FUBP3: variants seen among roughly 807,000 people sequenced by gnomAD.
The protein encoded by FUBP3 is far upstream element binding protein 3.
FUBP3 carries 28 observed loss-of-function variants against 85.6 expected under a neutral mutation model. The ratio of observed to expected loss-of-function variants is 0.33; its 90% confidence interval spans 0.24 to 0.45. FUBP3 has a LOEUF of 0.45. Among genes scored for constraint, FUBP3 ranks in the 20% least tolerant of loss-of-function variants. The pLI is 1.00. For missense variants in FUBP3, 583 were observed against 755.1 expected (o/e 0.77, Z 2.67); for synonymous variants, 271 against 271.4 (o/e 1.00, Z 0.01).
chr9:130,611,425 G>T (rs1831740362), intron 3 of FUBP3, among the ~76,000 whole-genome samples: 1 of 152,156 alleles, frequency 6.6e-6, no homozygotes, highest in African/African-American at 2.4e-5. Context: ...ATCGCAAGAG[G>T]TGGAGAGAAT....
chr9:130,630,705 G>C lies in FUBP3; in HGVS notation c.1195G>C (p.Asp399His). 1.3e-6 allele frequency: 2 copies of C among 1,593,042 alleles called. No homozygotes were observed. The highest frequency in any genetic ancestry group is 1.7e-6 in the Non-Finnish European group (2 of 1,170,916). ...ELQRNPPPNS[D>H]PNLRRFTIRG... is the part of the protein sequence containing the mutation. Reference sequence around the variant, plus strand: ...TCAGAGGAACCCCCCTCCCAACAGCGACCCCAACCTGCGGAGATTCACCAT... The same window carrying C: ...TCAGAGGAACCCCCCTCCCAACAGCCACCCCAACCTGCGGAGATTCACCAT... Residue 399 changes from aspartate to histidine, a missense_variant, in exon 13 of 19, where the codon GAC becomes CAC. Asp to His is a moderately conservative substitution (Grantham distance 81). Coordinates refer to ENST00000319725, the MANE Select transcript of FUBP3 (RefSeq NM_003934.2).
chr9:130,598,453 C>T (rs1030273357), intron 2 of FUBP3, among the ~76,000 whole-genome samples: 7 of 152,178 alleles, frequency 4.6e-5, no homozygotes, highest in African/African-American at 1.7e-4. Context: ...AGACACTGTC[C>T]GTTAGTGAGG....
chr9:130,624,651 G>T (rs924788488), intron 11 of FUBP3, among the ~76,000 whole-genome samples: 2 of 134,610 alleles, frequency 1.5e-5, no homozygotes, highest in Admixed American at 7.3e-5. Flanking sequence ...GTGTGTGTGT[G>T]TTTTTAAGCT....
At chr9:130,587,075 T>G (rs1349868378) in intron 1 of FUBP3, among the ~76,000 whole-genome samples, 6 of 145,102 alleles carry the variant, frequency 4.1e-5, no homozygotes, top group East Asian at 2.0e-4. Context: ...TTTGTTTGTT[T>G]GTTTTTTTGA....
At chr9:130,592,256 G>T (rs536749104) in intron 1 of FUBP3, among the ~76,000 whole-genome samples, 1 of 152,266 alleles carries the variant, frequency 6.6e-6, no homozygotes, top group East Asian at 1.9e-4. Context: ...GAAGGTAAAA[G>T]ATCTGGAAGC....
chr9:130,600,631 G>T (rs1256014384), intron 2 of FUBP3, among the ~76,000 whole-genome samples: 1 of 151,946 alleles, frequency 6.6e-6, no homozygotes, highest in Non-Finnish European at 1.5e-5. Context: ...GGGTAGCTGG[G>T]ACTGCACTGC....
At chr9:130,580,242 T>C (rs1443625495) in intron 1 of FUBP3, among the ~76,000 whole-genome samples, 2 of 152,160 alleles carry the variant, frequency 1.3e-5, no homozygotes, top group African/African-American at 4.8e-5. Flanking sequence ...GGGTGCTCTT[T>C]GGAGAGGTGA....
Position 130,622,819 on chromosome 9 carries a change from G to A in FUBP3, c.874+9G>A. On this transcript the variant is annotated intron_variant, in intron 10 of 18. Coordinates refer to ENST00000319725, the MANE Select transcript of FUBP3 (RefSeq NM_003934.2). ...GATTCAGTTTAAACCAGGTGGGTAT[G>A]ATGATTTAAAAATCCTTAGTGTTAA... 2 of 1,315,914 alleles carry A rather than the reference G, an allele frequency of 1.5e-6. No individual in the cohort carries two copies. Among genetic ancestry groups the A allele is most frequent in the Admixed American group, 2.1e-5 (1 of 47,566 alleles). 81.5% of individuals were successfully genotyped at this position (1,315,914 alleles called of 1,614,324 possible). A position where few individuals can be genotyped will look rare whatever the true frequency, so the allele number is the denominator to read the frequency against.
chr9:130,615,443 T>C (rs1212185074), intron 6 of FUBP3, among the ~76,000 whole-genome samples: 1 of 152,234 alleles, frequency 6.6e-6, no homozygotes, highest in Non-Finnish European at 1.5e-5. Flanking sequence ...AATTTCATTG[T>C]CTTCAGTGAG....
At chr9:130,603,974 C>G (rs1288009417) in intron 2 of FUBP3, among the ~76,000 whole-genome samples, 4 of 152,166 alleles carry the variant, frequency 2.6e-5, no homozygotes, top group Non-Finnish European at 5.9e-5. Context: ...TAGTCCCAAA[C>G]TGAAAACAGC....
chr9:130,624,744 G>T (rs929263168), intron 11 of FUBP3, among the ~76,000 whole-genome samples: 4 of 151,774 alleles, frequency 2.6e-5, no homozygotes, highest in African/African-American at 9.7e-5. Flanking sequence ...CCAAAAGATT[G>T]AACACCCCTG....
At chr9:130,636,240 G>A (rs1190406548) in intron 18 of FUBP3, 114 bp downstream of exon 18, 2 of 1,080,006 alleles carry the variant, frequency 1.9e-6, no homozygotes, top group Non-Finnish European at 2.8e-6. Flanking sequence ...GGAACCTCTG[G>A]GCGCCATAGC....
chr9:130,596,838 G>A (rs1262178647), intron 2 of FUBP3, among the ~76,000 whole-genome samples: 1 of 152,096 alleles, frequency 6.6e-6, no homozygotes, highest in Non-Finnish European at 1.5e-5. Flanking sequence ...TTTTGATGCA[G>A]GCCTGCAATG....
chr9:130,591,821 G>A lies in FUBP3; in HGVS notation c.85-3662G>A, dbSNP rs145269043. Among the ~76,000 whole-genome samples the A allele has an allele frequency of 6.1e-3, 923 of 152,294 alleles. 14 individuals carry two copies. The highest frequency in any genetic ancestry group is 0.021 in the African/African-American group (877 of 41,558). ...GTTGATTTAATCTAAATTAGGAATA[G>A]GAAGCTGTCGAAACAACTTTTATCA... On this transcript the variant is annotated intron_variant, in intron 1 of 18. Transcript: ENST00000319725.
At chr9:130,604,182 G>A (rs938683660) in intron 2 of FUBP3, among the ~76,000 whole-genome samples, 2 of 152,152 alleles carry the variant, frequency 1.3e-5, no homozygotes, top group African/African-American at 2.4e-5. Flanking sequence ...TTTTGGGAAC[G>A]GAGAACAGAT....
chr9:130,594,308 C>T (rs929815310), intron 1 of FUBP3, among the ~76,000 whole-genome samples: 4 of 151,702 alleles, frequency 2.6e-5, no homozygotes, highest in Non-Finnish European at 4.4e-5. Context: ...ATAGGCCAGG[C>T]GCTGTGGCTC....
intron 2 of FUBP3, among the ~76,000 whole-genome samples, chr9:130,603,224 G>A (rs1274930835): frequency 6.6e-6 from 1 of 151,862 alleles, no homozygotes; most frequent in Non-Finnish European, 1.5e-5. Context: ...GCGTGCACCT[G>A]TAGTCCCAGC....
At chr9:130,609,924 A>T in intron 2 of FUBP3, 30 bp from the exon 3 acceptor site, 1 of 1,508,710 alleles carries the variant, frequency 6.6e-7, no homozygotes, top group Non-Finnish European at 9.1e-7. Flanking sequence ...TAATGCTTTG[A>T]TTTTTTTTTT....
At chr9:130,631,172 TC>T (rs1830193985) in intron 13 of FUBP3, 4 of 1,164,216 alleles carry the variant, frequency 3.4e-6, no homozygotes, top group South Asian at 6.8e-5. Flanking sequence ...TTCAGGCACC[TC>T]AAGGCAGATA....
Sources: gnomAD v4.1 joint callset for allele counts (sites outside exome capture counted in the v4.1 genomes callset) on GRCh38, gnomAD v4.1.1 for gene constraint, MANE v1.5 for transcripts, NCBI Gene and HGNC (gene_info 2026-07-23, HGNC 2026-07-21) for gene names.